The following BRINP3 variants were observed in gnomAD, a reference collection of about 807,000 sequenced individuals.
BRINP3 encodes the protein BMP/retinoic acid inducible neural specific 3.
In BRINP3, 19 loss-of-function variants were observed where a neutral mutation model predicts 71.0. The ratio of observed to expected loss-of-function variants is 0.27; its 90% confidence interval spans 0.19 to 0.39. The LOEUF (loss-of-function observed/expected upper bound fraction) is 0.39, where lower values mean the gene tolerates loss of function less well. Ranked by LOEUF, BRINP3 falls within the 10% of genes least tolerant of loss-of-function variation. BRINP3 has a pLI of 1.00. For missense variants in BRINP3, 959 were observed against 940.8 expected (o/e 1.02, Z -0.25); for synonymous variants, 380 against 337.7 (o/e 1.13, Z -1.37).
intron 2 of BRINP3, among the ~76,000 whole-genome samples, chr1:190,305,633 C>G (rs1224123860): frequency 6.6e-6 from 1 of 151,706 alleles, no homozygotes; most frequent in East Asian, 1.9e-4. Flanking sequence ...TACAACACCC[C>G]AGCTTCATAG....
At chr1:190,191,603 G>A (rs543675809) in intron 6 of BRINP3, among the ~76,000 whole-genome samples, 54 of 152,214 alleles carry the variant, frequency 3.5e-4, no homozygotes, top group African/African-American at 1.3e-3. Flanking sequence ...TTTTATGACT[G>A]CATAGTATTC....
chr1:190,453,759 T>A (rs1675806366), intron 2 of BRINP3, among the ~76,000 whole-genome samples: 1 of 152,168 alleles, frequency 6.6e-6, no homozygotes, highest in African/African-American at 2.4e-5. Flanking sequence ...CAGTGCCCTC[T>A]GGTGCACATA....
chr1:190,269,209 G>T (rs1157655543), intron 3 of BRINP3, among the ~76,000 whole-genome samples: 1 of 152,058 alleles, frequency 6.6e-6, no homozygotes, highest in African/African-American at 2.4e-5. Flanking sequence ...CTTGGGAAAA[G>T]ATAGACTTTT....
chr1:190,228,655 G>A (rs1204147547), intron 5 of BRINP3, among the ~76,000 whole-genome samples: 1 of 151,808 alleles, frequency 6.6e-6, no homozygotes, highest in Non-Finnish European at 1.5e-5. Context: ...TGAGAAAAGA[G>A]GTTTAGGGAC....
At chr1:190,210,046 G>C (rs1262713724) in intron 6 of BRINP3, among the ~76,000 whole-genome samples, 1 of 151,892 alleles carries the variant, frequency 6.6e-6, no homozygotes, top group Non-Finnish European at 1.5e-5. Context: ...CAAACTACTG[G>C]GTATACAACA....
intron 2 of BRINP3, among the ~76,000 whole-genome samples, chr1:190,330,548 T>C (rs1666897989): frequency 6.6e-6 from 1 of 152,006 alleles, no homozygotes; most frequent in Non-Finnish European, 1.5e-5. Context: ...TACATTAGTT[T>C]AGCCACTGTG....
intron 1 of BRINP3, among the ~76,000 whole-genome samples, chr1:190,463,006 T>A (rs1222999125): frequency 6.6e-6 from 1 of 152,028 alleles, no homozygotes; most frequent in African/African-American, 2.4e-5. Flanking sequence ...GTGATTTATT[T>A]TAAAACATGT....
At chr1:190,283,182 T>C (rs1006937740) in intron 2 of BRINP3, among the ~76,000 whole-genome samples, 1 of 152,026 alleles carries the variant, frequency 6.6e-6, no homozygotes, top group Non-Finnish European at 1.5e-5. Flanking sequence ...TTCTTTCATC[T>C]TTGAGAAATT....
rs146093079 is a variant in BRINP3 at position 190,104,968 on chromosome 1, C to T, written c.1185-5834G>A. Among the ~76,000 whole-genome samples the T allele has an allele frequency of 4.7e-4, 71 of 152,124 alleles. No homozygotes were observed. In the East Asian group the frequency reaches 0.013, roughly 27 times the overall value. ...AGATTAGCACTTTTTTATGGTTAGGCTATTTTATTTCAGCCTTCATAGATT... is the reference window on the plus strand; with the variant it reads ...AGATTAGCACTTTTTTATGGTTAGGTTATTTTATTTCAGCCTTCATAGATT... On this transcript the variant is annotated intron_variant, in intron 7 of 7. Transcript: ENST00000367462.
chr1:190,172,407 C>CT (rs1652097568), intron 6 of BRINP3, among the ~76,000 whole-genome samples: 1 of 151,842 alleles, frequency 6.6e-6, no homozygotes, highest in Admixed American at 6.6e-5. Flanking sequence ...ACCAAATGTG[C>CT]TATGTGTTAT....
chr1:190,426,995 T>C (rs2102486515), intron 2 of BRINP3, among the ~76,000 whole-genome samples: 1 of 151,970 alleles, frequency 6.6e-6, no homozygotes, highest in East Asian at 1.9e-4. Context: ...GTTGAAATTT[T>C]TTAAGGTTAA....
At chr1:190,204,133 G>A (rs1003409334) in intron 6 of BRINP3, among the ~76,000 whole-genome samples, 1 of 151,782 alleles carries the variant, frequency 6.6e-6, no homozygotes, top group African/African-American at 2.4e-5. Flanking sequence ...TTGAATAAGA[G>A]CTGGTTAAAT....
chr1:190,336,169 T>C (rs1393985598), intron 2 of BRINP3, among the ~76,000 whole-genome samples: 1 of 152,030 alleles, frequency 6.6e-6, no homozygotes, highest in Admixed American at 6.6e-5. Context: ...CTCATTCTTC[T>C]AATTGAAAGT....
chr1:190,345,013 C>G (rs1297505703), intron 2 of BRINP3, among the ~76,000 whole-genome samples: 1 of 151,802 alleles, frequency 6.6e-6, no homozygotes, highest in East Asian at 1.9e-4. Flanking sequence ...AAAACTGTCA[C>G]AAATGATTAA....
chr1:190,469,143 A>G (rs1026697261), intron 1 of BRINP3, among the ~76,000 whole-genome samples: 3 of 151,062 alleles, frequency 2.0e-5, no homozygotes, highest in African/African-American at 7.2e-5. Context: ...TATTTAGGAA[A>G]AAATTACACT....
chr1:190,453,617 C>CA (rs1049288760), intron 2 of BRINP3, among the ~76,000 whole-genome samples: 4 of 152,022 alleles, frequency 2.6e-5, no homozygotes, highest in African/African-American at 9.7e-5. Context: ...TTTGAGAAGG[C>CA]AAAGCAATAA....
At chr1:190,346,257 A>G (rs1182522212) in intron 2 of BRINP3, among the ~76,000 whole-genome samples, 1 of 152,074 alleles carries the variant, frequency 6.6e-6, no homozygotes, top group Non-Finnish European at 1.5e-5. Flanking sequence ...GCCAAAATAT[A>G]TAATCAAAAA....
chr1:190,108,696 A>G (rs1652408080), intron 7 of BRINP3, among the ~76,000 whole-genome samples: 1 of 150,734 alleles, frequency 6.6e-6, no homozygotes, highest in Non-Finnish European at 1.5e-5. Context: ...ACATCTACAT[A>G]GAAAACAAAT....
At chr1:190,422,998 T>C (rs1572011415) in intron 2 of BRINP3, among the ~76,000 whole-genome samples, 1 of 151,844 alleles carries the variant, frequency 6.6e-6, no homozygotes, top group South Asian at 2.1e-4. Context: ...AAGTAACAGA[T>C]GTCCACTTGC....
Sources: allele counts gnomAD v4.1 joint callset (sites outside exome capture counted in the v4.1 genomes callset), GRCh38; gene constraint gnomAD v4.1.1; transcripts MANE v1.5; gene names NCBI Gene and HGNC (gene_info 2026-07-23, HGNC 2026-07-21).